The following SCUBE1 variants were observed in gnomAD, a reference collection of about 807,000 sequenced individuals.
The protein encoded by SCUBE1 is signal peptide, CUB domain and EGF like domain containing 1.
In SCUBE1, 59 loss-of-function variants were observed where a neutral mutation model predicts 124.4. That is an observed-to-expected ratio of 0.47 (90% CI 0.38 to 0.59). SCUBE1 has a LOEUF of 0.59. Among genes scored for constraint, SCUBE1 ranks in the 20% least tolerant of loss-of-function variants. The probability of loss-of-function intolerance (pLI) is 0.00; values close to 1 mark genes in which losing one functional copy is unlikely to be tolerated. For synonymous variants in SCUBE1, 545 were observed against 550.9 expected (o/e 0.99, Z 0.15); for missense variants, 1,150 against 1,371.2 (o/e 0.84, Z 2.55).
At chr22:43,207,976 G>T in intron 20 of SCUBE1, 96 bp downstream of exon 20, 4 of 1,386,216 alleles carry the variant, frequency 2.9e-6, no homozygotes, top group Non-Finnish European at 3.1e-6. Flanking sequence ...CTGCCAGGTC[G>T]CAGCTCCCTG....
At chr22:43,324,092 T>C (rs917114647) in intron 2 of SCUBE1, among the ~76,000 whole-genome samples, 6 of 152,138 alleles carry the variant, frequency 3.9e-5, no homozygotes, top group Admixed American at 1.3e-4. Flanking sequence ...GGGGATGTCT[T>C]CCCCTAGTTA....
At chr22:43,322,018 T>C (rs1248858038) in intron 2 of SCUBE1, among the ~76,000 whole-genome samples, 2 of 152,170 alleles carry the variant, frequency 1.3e-5, no homozygotes, top group Non-Finnish European at 2.9e-5. Flanking sequence ...AGTGTCTCCC[T>C]CTGTCGCCCA....
At chr22:43,243,326 AAGG>A (rs1392334481) in intron 6 of SCUBE1, among the ~76,000 whole-genome samples, 1 of 152,224 alleles carries the variant, frequency 6.6e-6, no homozygotes, top group African/African-American at 2.4e-5. Flanking sequence ...GAGGGTGGCC[AAGG>A]AGAAGGAAGG....
intron 4 of SCUBE1, chr22:43,275,955 CACA>C (rs1487098458): frequency 6.6e-6 from 1 of 152,496 alleles, no homozygotes; most frequent in Admixed American, 6.5e-5. Flanking sequence ...AATTAGCAAC[CACA>C]ACCTTTGAAG....
intron 1 of SCUBE1, among the ~76,000 whole-genome samples, chr22:43,341,239 G>A (rs982976049): frequency 6.6e-6 from 1 of 151,900 alleles, no homozygotes; most frequent in African/African-American, 2.4e-5. Context: ...AGGAACTGGA[G>A]GGGGCCCAGC....
chr22:43,334,294 TG>T lies in SCUBE1; in HGVS notation c.220+4809del, dbSNP rs536423956. ...TCTTTCCTAAGTGTTTCTTATTGTA[TG>T]TTCTTGATAAGCAGCCATCTGTGAA... is the stretch of plus-strand genomic sequence containing the variant. On this transcript the variant is annotated intron_variant, in intron 2 of 21. Transcript: ENST00000360835. 1.4e-3 allele frequency among the ~76,000 whole-genome samples: 216 copies of T among 152,266 alleles called. 1 individual carries two copies. Among genetic ancestry groups the T allele is most frequent in the Non-Finnish European group, 2.5e-3 (168 of 68,008 alleles).
At position 43,208,064 on chromosome 22, in the gene SCUBE1, G is replaced by C. The variant is rs535866337; in HGVS notation, c.2734+8C>G. The C allele has an allele frequency of 6.2e-7, 1 of 1,614,016 alleles. No homozygotes were observed. On this transcript the variant is annotated splice_region_variant and intron_variant, in intron 20 of 21. Transcript: ENST00000360835. ...TGCACAGTGGGCCGTGAAGACAGTG[G>C]ATCTTACCATCGTAGGTGACATAGG...
At chr22:43,231,931 C>G in intron 7 of SCUBE1, 56 bp from the exon 8 acceptor site, 2 of 1,596,378 alleles carry the variant, frequency 1.3e-6, no homozygotes, top group Admixed American at 3.3e-5. Flanking sequence ...GCTTGTGTGA[C>G]CAGCGGGGGG....
At position 43,339,162 on chromosome 22, in the gene SCUBE1, G is replaced by T. The variant is rs1927183031; in HGVS notation, c.162C>A (p.Pro54=). ...GCTTGCAGAGGCATTTGTAGGACTT[G>T]GGCGTGTTCTGACAGATGGCATCGA... ...CHIDAICQNT[P]KSYKCLCKPG... is the part of the protein sequence containing the mutation. Residue 54 remains proline (P), a synonymous_variant, in exon 2 of 22, where the codon CCC becomes CCA. Coordinates refer to ENST00000360835, the MANE Select transcript of SCUBE1 (RefSeq NM_173050.5). 1.2e-6 allele frequency: 2 copies of T among 1,613,812 alleles called. No homozygotes were observed. Among genetic ancestry groups the T allele is most frequent in the African/African-American group, 1.3e-5 (1 of 74,938 alleles).
Position 43,295,627 on chromosome 22 carries a change from C to T in SCUBE1, c.350-4447G>A, listed in dbSNP as rs115654686. On this transcript the variant is annotated intron_variant, in intron 3 of 21. Transcript: ENST00000360835. ...TCAGCCATGCTCTAGGAATCCGCTG[C>T]GGCTGCTCTCTGAACACAGCCCACC... is the stretch of plus-strand genomic sequence containing the variant. Among the ~76,000 whole-genome samples, 422 of 152,324 alleles carry T rather than the reference C, an allele frequency of 2.8e-3. 3 individuals carry two copies. Among genetic ancestry groups the T allele is most frequent in the African/African-American group, 9.2e-3 (384 of 41,568 alleles).
At chr22:43,212,322 G>A (rs1601797562) in intron 17 of SCUBE1, 103 bp downstream of exon 17, 1 of 1,298,920 alleles carries the variant, frequency 7.7e-7, no homozygotes. Context: ...TGAGCTGGGA[G>A]GTTCGCCACA....
At chr22:43,237,118 G>A (rs1420421554) in intron 7 of SCUBE1, among the ~76,000 whole-genome samples, 1 of 145,138 alleles carries the variant, frequency 6.9e-6, no homozygotes, top group East Asian at 2.0e-4. Context: ...GGGGGGGGTT[G>A]GGGGGTTGTC....
Position 43,198,220 on chromosome 22 carries a change from C to T in SCUBE1, c.*5777G>A, listed in dbSNP as rs553985906. 3.2e-5 allele frequency: 9 copies of T among 283,094 alleles called. No homozygotes were observed. Among genetic ancestry groups the T allele is most frequent in the African/African-American group, 1.1e-4 (5 of 45,514 alleles). 17.5% of individuals were successfully genotyped at this position (283,094 alleles called of 1,614,324 possible). On this transcript the variant is annotated 3_prime_UTR_variant, in exon 22 of 22. Coordinates refer to ENST00000360835, the MANE Select transcript of SCUBE1 (RefSeq NM_173050.5). ...GGCACTGAGTGAGCGTCAGCTTCCCCACCTTTCCCTTCTTCCTGTTGGGGC... is the reference window on the plus strand; with the variant it reads ...GGCACTGAGTGAGCGTCAGCTTCCCTACCTTTCCCTTCTTCCTGTTGGGGC...
intron 2 of SCUBE1, among the ~76,000 whole-genome samples, chr22:43,338,260 T>C (rs13053545): frequency 0.16 from 23,836 of 152,178 alleles, 2,050 homozygotes; most frequent in Admixed American, 0.19. Context: ...TTTAGCCTGC[T>C]GGGGAGGCAG....
chr22:43,313,392 A>G (rs1476501017), intron 3 of SCUBE1, among the ~76,000 whole-genome samples: 1 of 152,246 alleles, frequency 6.6e-6, no homozygotes. Flanking sequence ...ATCGGGGTCG[A>G]AGAAAACATC....
chr22:43,229,212 G>C, intron 8 of SCUBE1, 24 bp from the exon 9 acceptor site: 2 of 1,361,070 alleles, frequency 1.5e-6, no homozygotes, highest in Non-Finnish European at 2.1e-6. Context: ...GGGAGACAAA[G>C]TTGGGGGAGG....
chr22:43,289,045 C>G (rs1925256300), intron 4 of SCUBE1, among the ~76,000 whole-genome samples: 1 of 152,252 alleles, frequency 6.6e-6, no homozygotes. Flanking sequence ...CTTCTTTCAA[C>G]CAGGGGCCTC....
intron 4 of SCUBE1, among the ~76,000 whole-genome samples, chr22:43,265,453 C>A (rs901275895): frequency 2.0e-5 from 3 of 152,194 alleles, no homozygotes; most frequent in African/African-American, 7.2e-5. Flanking sequence ...CTCTCAACAA[C>A]TTGGGGAAGA....
intron 3 of SCUBE1, among the ~76,000 whole-genome samples, chr22:43,301,600 A>G (rs773585355): frequency 2.0e-5 from 3 of 152,040 alleles, no homozygotes; most frequent in Non-Finnish European, 2.9e-5. Context: ...CTGACCACTA[A>G]GCTAAAGTGG....
Sources: allele counts gnomAD v4.1 joint callset (sites outside exome capture counted in the v4.1 genomes callset), GRCh38; gene constraint gnomAD v4.1.1; transcripts MANE v1.5; gene names NCBI Gene and HGNC (gene_info 2026-07-23, HGNC 2026-07-21).